The following ITFG1 variants were observed in gnomAD, a reference collection of about 807,000 sequenced individuals.
ITFG1 encodes the protein T-cell immunomodulatory protein.
Under a neutral mutation model 81.8 loss-of-function variants are expected in ITFG1, and 34 were observed. That is an observed-to-expected ratio of 0.42 (90% confidence interval 0.32 to 0.55). The LOEUF (loss-of-function observed/expected upper bound fraction) is 0.55, where lower values mean the gene tolerates loss of function less well. ITFG1 is among the 20% of genes least tolerant of loss of function. The pLI is 0.17. For missense variants in ITFG1, 672 were observed against 755.4 expected, an observed-to-expected ratio of 0.89 and a Z score of 1.29; for synonymous variants, 285 against 270.6, an observed-to-expected ratio of 1.05 and a Z score of -0.52.
At chr16:47,228,571 A>C (rs764434197) in intron 13 of ITFG1, among the ~76,000 whole-genome samples, 6 of 152,198 alleles carry the variant, frequency 3.9e-5, no homozygotes, top group Non-Finnish European at 8.8e-5. Flanking sequence ...TATGTTGCCC[A>C]GGCTAGTCAG....
At chr16:47,380,348 T>C (rs1207757559) in intron 6 of ITFG1, among the ~76,000 whole-genome samples, 1 of 152,218 alleles carries the variant, frequency 6.6e-6, no homozygotes, top group Non-Finnish European at 1.5e-5. Context: ...TTGATGATGA[T>C]GACGGAGAAG....
At chr16:47,273,084 A>T (rs1966360662) in intron 10 of ITFG1, among the ~76,000 whole-genome samples, 1 of 151,570 alleles carries the variant, frequency 6.6e-6, no homozygotes, top group South Asian at 2.1e-4. Context: ...TTTAACTTAA[A>T]GTCTGATTTT....
At chr16:47,287,149 G>C (rs1966872658) in intron 10 of ITFG1, among the ~76,000 whole-genome samples, 1 of 152,140 alleles carries the variant, frequency 6.6e-6, no homozygotes, top group African/African-American at 2.4e-5. Context: ...TAGACCCGAA[G>C]ACCATTCTAA....
intron 8 of ITFG1, among the ~76,000 whole-genome samples, chr16:47,317,052 T>C (rs1186915887): frequency 2.0e-5 from 3 of 152,164 alleles, no homozygotes; most frequent in Admixed American, 6.5e-5. Context: ...ACAGATGGAA[T>C]AGCATTTTGA....
At chr16:47,244,206 G>A (rs991755757) in intron 12 of ITFG1, among the ~76,000 whole-genome samples, 1 of 152,174 alleles carries the variant, frequency 6.6e-6, no homozygotes, top group East Asian at 1.9e-4. Context: ...TAATAAGCAG[G>A]TAAACGTAAG....
chr16:47,165,440 T>G (rs1036240856), intron 14 of ITFG1, among the ~76,000 whole-genome samples: 1 of 152,250 alleles, frequency 6.6e-6, no homozygotes, highest in Admixed American at 6.5e-5. Flanking sequence ...GCAGAATTAG[T>G]CCACCTTGTG....
intron 8 of ITFG1, among the ~76,000 whole-genome samples, chr16:47,342,797 C>T (rs1596912136): frequency 6.6e-6 from 1 of 151,978 alleles, no homozygotes; most frequent in Non-Finnish European, 1.5e-5. Context: ...GTAAATTTAA[C>T]CTAAGAGTTG....
At chr16:47,310,585 A>G (rs1382059730) in intron 10 of ITFG1, among the ~76,000 whole-genome samples, 1 of 152,218 alleles carries the variant, frequency 6.6e-6, no homozygotes, top group Admixed American at 6.5e-5. Context: ...TGCAGCATTA[A>G]AAGTCACTGC....
chr16:47,401,115 T>C (rs1328897618), intron 6 of ITFG1, among the ~76,000 whole-genome samples: 1 of 152,056 alleles, frequency 6.6e-6, no homozygotes, highest in Non-Finnish European at 1.5e-5. Context: ...CAGAAGTTGA[T>C]GGTTTCAAAA....
intron 14 of ITFG1, among the ~76,000 whole-genome samples, chr16:47,207,939 T>C (rs917536339): frequency 6.6e-6 from 1 of 152,208 alleles, no homozygotes; most frequent in Non-Finnish European, 1.5e-5. Flanking sequence ...ATAATTACTA[T>C]GTACCAGGCA....
chr16:47,175,793 G>A (rs1287640689), intron 14 of ITFG1, among the ~76,000 whole-genome samples: 3 of 152,180 alleles, frequency 2.0e-5, no homozygotes, highest in Admixed American at 1.3e-4. Flanking sequence ...TGTGGCTCAG[G>A]TAGGAGTGCA....
chr16:47,167,034 G>A (rs974236371), intron 14 of ITFG1, among the ~76,000 whole-genome samples: 2 of 152,140 alleles, frequency 1.3e-5, no homozygotes, highest in African/African-American at 4.8e-5. Context: ...TATTTGCAAT[G>A]TTGTGCAACT....
At chr16:47,396,586 A>T (rs1968597339) in intron 6 of ITFG1, among the ~76,000 whole-genome samples, 1 of 147,416 alleles carries the variant, frequency 6.8e-6, no homozygotes, top group African/African-American at 2.6e-5. Context: ...GGGTTTACCT[A>T]GAATTAGGGT....
chr16:47,312,241 G>C (rs933658686), intron 9 of ITFG1: 2 of 152,158 alleles, frequency 1.3e-5, no homozygotes, highest in African/African-American at 4.8e-5. Context: ...GCATATGAAT[G>C]CTGCCACATA....
intron 6 of ITFG1, among the ~76,000 whole-genome samples, chr16:47,404,481 C>T (rs932831585): frequency 6.6e-6 from 1 of 152,084 alleles, no homozygotes; most frequent in African/African-American, 2.4e-5. Flanking sequence ...GATATAAAGA[C>T]TAATAAATAC....
intron 7 of ITFG1, among the ~76,000 whole-genome samples, chr16:47,369,833 C>CTTTTTTTTT (rs71134539): frequency 2.5e-4 from 13 of 51,724 alleles, no homozygotes; most frequent in African/African-American, 3.1e-4. Flanking sequence ...TCAATATCCT[C>CTTTTTTTTT]TTTTTTTTTT....
chr16:47,390,055 C>A (rs1968511237), intron 6 of ITFG1, among the ~76,000 whole-genome samples: 1 of 152,166 alleles, frequency 6.6e-6, no homozygotes, highest in Non-Finnish European at 1.5e-5. Context: ...TTAAAATAAG[C>A]CATTTTCAGG....
Position 47,161,808 on chromosome 16 carries a change from C to A in ITFG1, c.1603G>T (p.Ala535Ser). The change falls in exon 16 of 18, where the codon GCA becomes TCA. Residue 535 changes from alanine (A) to serine (S), a missense_variant. This residue lies in a region of ITFG1 where 65 missense variants were observed against 103.3 expected (regional missense o/e 0.63). Transcript: ENST00000320640. ...ATTAGCTGGGAATTTGGAATGATTG[C>A]AGTCCACTCTTGTTTTCGTATAGAC... Reference protein sequence around the residue: ...EKSIRKQEWTAIIPNSQLIVI... With the variant: ...EKSIRKQEWTSIIPNSQLIVI... 6.2e-7 allele frequency: 1 copy of A among 1,608,088 alleles called. No individual in the cohort carries two copies. Among genetic ancestry groups the A allele is most frequent in the Non-Finnish European group, 8.5e-7 (1 of 1,174,714 alleles).
chr16:47,264,225 T>C (rs1204577202), intron 10 of ITFG1, among the ~76,000 whole-genome samples: 3 of 152,132 alleles, frequency 2.0e-5, no homozygotes, highest in African/African-American at 7.2e-5. Flanking sequence ...CATATAAATA[T>C]GTAAATACAT....
Sources: allele counts gnomAD v4.1 joint callset (sites outside exome capture counted in the v4.1 genomes callset), GRCh38; gene constraint gnomAD v4.1.1; regional missense constraint gnomAD v4.1.1; transcripts MANE v1.5; gene names NCBI Gene and HGNC (gene_info 2026-07-23, HGNC 2026-07-21).